The following CWC27 variants were observed in gnomAD, a reference collection of about 807,000 sequenced individuals.
The protein encoded by CWC27 is CWC27 spliceosome associated cyclophilin, also known as spliceosome-associated protein CWC27 homolog.
A neutral mutation model predicts 63.6 loss-of-function variants in CWC27; 47 were observed. The observed-to-expected ratio is 0.74, with a 90% CI of 0.58 to 0.94. The LOEUF (loss-of-function observed/expected upper bound fraction) is 0.94. Ranked by LOEUF, CWC27 falls within the 40% of genes least tolerant of loss-of-function variation. The probability of loss-of-function intolerance (pLI) is 0.00; values close to 1 mark genes in which losing one functional copy is unlikely to be tolerated. For missense variants in CWC27, 495 were observed against 554.3 expected (o/e 0.89, Z 1.07); for synonymous variants, 175 against 179.8 (o/e 0.97, Z 0.22).
chr5:64,905,993 G>C (rs1389749269), intron 11 of CWC27, among the ~76,000 whole-genome samples: 1 of 150,334 alleles, frequency 6.7e-6, no homozygotes, highest in Non-Finnish European at 1.5e-5. Context: ...CCATGTCCCT[G>C]CAAAGGACAT....
At chr5:64,998,396 G>A (rs758766541) in intron 13 of CWC27, among the ~76,000 whole-genome samples, 1 of 152,096 alleles carries the variant, frequency 6.6e-6, no homozygotes, top group Admixed American at 6.6e-5. Context: ...TTCTGGAAAG[G>A]CTCTTAAATC....
intron 13 of CWC27, among the ~76,000 whole-genome samples, chr5:64,981,057 A>T (rs1332516211): frequency 6.6e-6 from 1 of 152,132 alleles, no homozygotes; most frequent in Non-Finnish European, 1.5e-5. Flanking sequence ...ATGCCACTGC[A>T]CTCCAACCTG....
chr5:64,831,378 G>C (rs1580652856), intron 10 of CWC27, among the ~76,000 whole-genome samples: 1 of 151,306 alleles, frequency 6.6e-6, no homozygotes, highest in East Asian at 1.9e-4. Flanking sequence ...TTGTAGAAGA[G>C]AGTGTAGTTT....
intron 10 of CWC27, chr5:64,844,864 G>A: frequency 2.2e-6 from 1 of 456,570 alleles, no homozygotes; most frequent in Non-Finnish European, 4.4e-6. Context: ...CTGATAGGGA[G>A]GTAATCCTCA....
chr5:64,942,439 A>T (rs1035935104), intron 11 of CWC27, among the ~76,000 whole-genome samples: 5 of 70,876 alleles, frequency 7.1e-5, no homozygotes, highest in Non-Finnish European at 9.8e-5. Flanking sequence ...CTATCTCTTT[A>T]AAAAAAAAAA....
Position 64,880,853 on chromosome 5 carries a change from C to CT in CWC27, c.939-4590_939-4589insT, listed in dbSNP as rs571051416. On this transcript the variant is annotated intron_variant, in intron 10 of 13. Coordinates refer to ENST00000381070, the MANE Select transcript of CWC27 (RefSeq NM_005869.4). ...AGAGTTAGTAACAGTTTATAAAAGC[C>CT]ATTTTTTTTTTTTTTTTTTTTACCA... Among the ~76,000 whole-genome samples the CT allele has an allele frequency of 1.8e-4, 24 of 136,084 alleles. 1 individual carries two copies. The highest frequency in any genetic ancestry group is 4.7e-4 in the South Asian group (2 of 4,260). The allele number at this position is 136,084 out of a possible 152,430, so 89.3% of individuals were successfully genotyped here.
intron 11 of CWC27, among the ~76,000 whole-genome samples, chr5:64,965,807 A>G (rs992006923): frequency 6.6e-6 from 1 of 152,180 alleles, no homozygotes; most frequent in Admixed American, 6.5e-5. Flanking sequence ...AATTTTATTC[A>G]TTCTTTAGAT....
At chr5:64,888,303 T>TTATATATAATATAGTTAATATAATTAAC (rs1554074694) in intron 11 of CWC27, among the ~76,000 whole-genome samples, 24 of 147,466 alleles carry the variant, frequency 1.6e-4, no homozygotes, top group African/African-American at 5.2e-4. Context: ...GTTAATATAA[T>TTATATATAATATAGTTAATATAATTAAC]TATATATAAT....
At chr5:64,932,574 G>T (rs1465456601) in intron 11 of CWC27, among the ~76,000 whole-genome samples, 4 of 152,116 alleles carry the variant, frequency 2.6e-5, no homozygotes, top group African/African-American at 4.8e-5. Flanking sequence ...GGATTATAGG[G>T]CTGGGATCCT....
intron 10 of CWC27, among the ~76,000 whole-genome samples, chr5:64,806,552 A>T (rs1255757896): frequency 2.0e-5 from 3 of 152,218 alleles, no homozygotes; most frequent in African/African-American, 7.2e-5. Flanking sequence ...CTACAAAGAG[A>T]AACAAAAGAA....
At chr5:64,882,881 C>A (rs1311694296) in intron 10 of CWC27, among the ~76,000 whole-genome samples, 1 of 152,214 alleles carries the variant, frequency 6.6e-6, no homozygotes, top group Admixed American at 6.5e-5. Context: ...CAGGCGTGAG[C>A]CACCACACCC....
chr5:65,010,053 T>C (rs1749918432), intron 13 of CWC27, among the ~76,000 whole-genome samples: 1 of 152,094 alleles, frequency 6.6e-6, no homozygotes, highest in Non-Finnish European at 1.5e-5. Context: ...AGTGACTGAA[T>C]GTAACTCAAA....
intron 10 of CWC27, chr5:64,807,790 G>T (rs1255249161): frequency 6.5e-7 from 1 of 1,534,934 alleles, no homozygotes. Flanking sequence ...CTGGCTGCTT[G>T]TTTTTTTATG....
chr5:64,879,353 G>C (rs1481802059), intron 10 of CWC27, among the ~76,000 whole-genome samples: 2 of 151,930 alleles, frequency 1.3e-5, no homozygotes, highest in Non-Finnish European at 2.9e-5. Flanking sequence ...TAAAAGATAG[G>C]CTAATAATCT....
At chr5:64,838,610 G>T (rs894594024) in intron 10 of CWC27, among the ~76,000 whole-genome samples, 1 of 152,150 alleles carries the variant, frequency 6.6e-6, no homozygotes, top group Non-Finnish European at 1.5e-5. Flanking sequence ...TGAACTCAGT[G>T]TCAGCAAGGA....
intron 13 of CWC27, among the ~76,000 whole-genome samples, chr5:65,017,382 TG>T (rs987150945): frequency 1.3e-5 from 2 of 152,230 alleles, no homozygotes; most frequent in Admixed American, 6.5e-5. Flanking sequence ...GTCTGCTCTT[TG>T]GACTTCCCTG....
At chr5:64,954,650 C>CTATATA (rs10645565) in intron 11 of CWC27, among the ~76,000 whole-genome samples, 26 of 146,340 alleles carry the variant, frequency 1.8e-4, no homozygotes, top group Non-Finnish European at 2.8e-4. Flanking sequence ...ATAGAAAGCA[C>CTATATA]TATATATATA....
At chr5:64,906,286 A>C (rs1212461207) in intron 11 of CWC27, among the ~76,000 whole-genome samples, 3 of 152,212 alleles carry the variant, frequency 2.0e-5, no homozygotes, top group Non-Finnish European at 4.4e-5. Flanking sequence ...ACTCCCACCA[A>C]CAGTGTAAAA....
intron 10 of CWC27, among the ~76,000 whole-genome samples, chr5:64,843,406 G>C (rs1250532357): frequency 6.6e-6 from 1 of 152,186 alleles, no homozygotes. Flanking sequence ...GCACATATGT[G>C]GGAGTATTGA....
Sources: gnomAD v4.1 joint callset for allele counts (sites outside exome capture counted in the v4.1 genomes callset) on GRCh38, gnomAD v4.1.1 for gene constraint, MANE v1.5 for transcripts, NCBI Gene and HGNC (gene_info 2026-07-23, HGNC 2026-07-21) for gene names.